DENND1B: variants seen among roughly 807,000 people sequenced by gnomAD.
DENND1B encodes DENN domain-containing protein 1B.
DENND1B carries 59 observed loss-of-function variants against 90.1 expected under a neutral mutation model. The observed-to-expected ratio is 0.65, with a 90% CI of 0.53 to 0.81. The LOEUF (loss-of-function observed/expected upper bound fraction) is 0.81. DENND1B is among the 40% of genes least tolerant of loss of function. The pLI is 0.00. For missense variants in DENND1B, 862 were observed against 912.6 expected (o/e 0.94, Z 0.71); for synonymous variants, 337 against 324.6 (o/e 1.04, Z -0.41).
chr1:197,623,750 G>C (rs562805107), intron 10 of DENND1B, among the ~76,000 whole-genome samples: 1 of 151,352 alleles, frequency 6.6e-6, no homozygotes, highest in Non-Finnish European at 1.5e-5. Context: ...ATACATCATT[G>C]TCATCTGAGT....
chr1:197,764,441 C>T (rs916163789), intron 2 of DENND1B, among the ~76,000 whole-genome samples: 1 of 152,152 alleles, frequency 6.6e-6, no homozygotes. Context: ...GACATTATAG[C>T]TTTAGCTCAT....
At chr1:197,518,210 C>T (rs182312966) in intron 20 of DENND1B, among the ~76,000 whole-genome samples, 79 of 151,966 alleles carry the variant, frequency 5.2e-4, no homozygotes, top group Middle Eastern at 6.8e-3. Flanking sequence ...ATTATGAATG[C>T]TGTCTAGAAG....
At chr1:197,583,062 T>C (rs1674382908) in intron 15 of DENND1B, 90 bp downstream of exon 15, 2 of 1,202,518 alleles carry the variant, frequency 1.7e-6, no homozygotes, top group South Asian at 2.7e-5. Flanking sequence ...AAGATGCTAC[T>C]CAGGGTTTGT....
chr1:197,698,788 T>C (rs986440313), intron 3 of DENND1B, among the ~76,000 whole-genome samples: 11 of 151,978 alleles, frequency 7.2e-5, no homozygotes, highest in Non-Finnish European at 1.2e-4. Flanking sequence ...AACACCTCTA[T>C]GCAAATAAAC....
intron 6 of DENND1B, among the ~76,000 whole-genome samples, chr1:197,653,607 A>G (rs1653481941): frequency 6.6e-6 from 1 of 152,108 alleles, no homozygotes. Context: ...TAATGCTATA[A>G]ACTTATTTCT....
At position 197,511,936 on chromosome 1, in the gene DENND1B, G is replaced by T. The variant is rs1292497843; in HGVS notation, c.1607C>A (p.Ser536Tyr). 8 of 1,600,516 alleles carry T rather than the reference G, an allele frequency of 5.0e-6. No individual in the cohort carries two copies. Among genetic ancestry groups the T allele is most frequent in the South Asian group, 1.1e-5 (1 of 88,412 alleles). ...AGCAGAAGCTTCTTCACCATCTTCA[G>T]AAGATAACCTGAAGAAAAATAAAAC... ...DDIERASKLS[S>Y]EDGEEASAYL... The change falls in exon 22 of 23, where the codon TCT becomes TAT. Residue 536 changes from serine to tyrosine, a missense_variant. Coordinates refer to ENST00000620048, the MANE Select transcript of DENND1B (RefSeq NM_001195215.2).
chr1:197,713,485 C>A (rs1399239765), intron 3 of DENND1B, among the ~76,000 whole-genome samples: 1 of 68,588 alleles, frequency 1.5e-5, no homozygotes, highest in Non-Finnish European at 2.7e-5. Flanking sequence ...ATCGCAAGAA[C>A]AAAAAACCAA....
intron 11 of DENND1B, among the ~76,000 whole-genome samples, chr1:197,617,058 T>C (rs1382261326): frequency 6.6e-6 from 1 of 151,068 alleles, no homozygotes; most frequent in Non-Finnish European, 1.5e-5. Context: ...TTAGGAATTG[T>C]GTCTAATGCC....
chr1:197,540,929 G>T (rs1026779257), intron 19 of DENND1B, 30 bp downstream of exon 19: 1 of 1,591,386 alleles, frequency 6.3e-7, no homozygotes, highest in East Asian at 2.3e-5. Context: ...AAGAATCAAG[G>T]TAAAATGGAA....
chr1:197,574,973 TA>T (rs1673528013), intron 15 of DENND1B, among the ~76,000 whole-genome samples: 1 of 152,132 alleles, frequency 6.6e-6, no homozygotes, highest in South Asian at 2.1e-4. Context: ...ATGCTAGACC[TA>T]AAACCATAAA....
intron 20 of DENND1B, among the ~76,000 whole-genome samples, chr1:197,530,643 A>G (rs554089709): frequency 4.1e-4 from 62 of 152,318 alleles, no homozygotes; most frequent in Middle Eastern, 3.4e-3. Context: ...ATCCTGGACT[A>G]TAACTACCAA....
At chr1:197,625,164 C>T (rs1342276899) in intron 10 of DENND1B, among the ~76,000 whole-genome samples, 7 of 151,870 alleles carry the variant, frequency 4.6e-5, no homozygotes, top group Admixed American at 6.6e-5. Flanking sequence ...ATACAGAGAA[C>T]GCCACAAAGA....
chr1:197,773,883 T>C (rs575816299), intron 1 of DENND1B, among the ~76,000 whole-genome samples: 1 of 152,298 alleles, frequency 6.6e-6, no homozygotes, highest in African/African-American at 2.4e-5. Context: ...AAGACCTTAG[T>C]GCCTTTGTAC....
chr1:197,634,919 C>T (rs1456143018), intron 10 of DENND1B, among the ~76,000 whole-genome samples: 1 of 152,044 alleles, frequency 6.6e-6, no homozygotes, highest in East Asian at 1.9e-4. Flanking sequence ...CTGAGATCTG[C>T]GGGCAGAAGC....
chr1:197,599,767 G>A (rs1676036445), intron 13 of DENND1B, among the ~76,000 whole-genome samples: 1 of 151,740 alleles, frequency 6.6e-6, no homozygotes, highest in South Asian at 2.1e-4. Context: ...TAAATGAAAA[G>A]CATATGATAT....
chr1:197,735,605 C>T (rs755230155), intron 2 of DENND1B: 11 of 1,614,150 alleles, frequency 6.8e-6, no homozygotes, highest in South Asian at 5.5e-5. Context: ...CAGGTTGGGG[C>T]CATCTTTTCT....
At chr1:197,672,243 A>T in intron 4 of DENND1B, 87 bp from the exon 5 acceptor site, 2 of 1,423,328 alleles carry the variant, frequency 1.4e-6, no homozygotes, top group East Asian at 2.5e-5. Flanking sequence ...TTTATATGTG[A>T]CATTGGTTTC....
chr1:197,569,314 C>A (rs1672951259), intron 15 of DENND1B, among the ~76,000 whole-genome samples: 1 of 151,934 alleles, frequency 6.6e-6, no homozygotes, highest in Admixed American at 6.6e-5. Flanking sequence ...ACCCTTGTAC[C>A]TTACTGGTGG....
chr1:197,656,412 A>G (rs1653831056), intron 6 of DENND1B, among the ~76,000 whole-genome samples: 1 of 152,190 alleles, frequency 6.6e-6, no homozygotes, highest in Admixed American at 6.5e-5. Flanking sequence ...GTACACCCTA[A>G]ATGTAAAAAT....
Sources: allele counts gnomAD v4.1 joint callset (sites outside exome capture counted in the v4.1 genomes callset), GRCh38; gene constraint gnomAD v4.1.1; transcripts MANE v1.5; gene names NCBI Gene and HGNC (gene_info 2026-07-23, HGNC 2026-07-21).